Variants in SEMA3E observed in about 807,000 individuals in gnomAD.
SEMA3E encodes semaphorin-3E.
A neutral mutation model predicts 93.6 loss-of-function variants in SEMA3E; 49 were observed. That is an observed-to-expected ratio of 0.52 (90% CI 0.42 to 0.66). The LOEUF (loss-of-function observed/expected upper bound fraction) is 0.66, where lower values mean the gene tolerates loss of function less well. Among genes scored for constraint, SEMA3E ranks in the 30% least tolerant of loss-of-function variants. The probability of loss-of-function intolerance (pLI) is 0.00; values close to 1 mark genes in which losing one functional copy is unlikely to be tolerated. For synonymous variants in SEMA3E, 363 were observed against 330.7 expected (o/e 1.10, Z -1.06); for missense variants, 906 against 964.8 (o/e 0.94, Z 0.81).
At chr7:83,393,946 T>C (rs1788067657) in intron 13 of SEMA3E, among the ~76,000 whole-genome samples, 1 of 152,168 alleles carries the variant, frequency 6.6e-6, no homozygotes, top group Non-Finnish European at 1.5e-5. Flanking sequence ...TCTTCCTTTC[T>C]ATAGAGATAG....
At chr7:83,498,672 T>C (rs940656715) in intron 1 of SEMA3E, among the ~76,000 whole-genome samples, 5 of 151,888 alleles carry the variant, frequency 3.3e-5, no homozygotes, top group Admixed American at 1.3e-4. Flanking sequence ...AGAGACGGGG[T>C]CTCACCATGT....
At chr7:83,621,654 G>A (rs186675779) in intron 1 of SEMA3E, among the ~76,000 whole-genome samples, 3 of 152,010 alleles carry the variant, frequency 2.0e-5, no homozygotes, top group East Asian at 1.9e-4. Flanking sequence ...CACATTGACC[G>A]ATGGAACAGA....
intron 4 of SEMA3E, among the ~76,000 whole-genome samples, chr7:83,454,272 A>AATATATATATATATATATATAT (rs71534491): frequency 9.1e-6 from 1 of 110,134 alleles, no homozygotes; most frequent in African/African-American, 4.3e-5. Flanking sequence ...AAAAAAAAAA[A>AATATATATATATATATATATAT]ATATATATAT....
At chr7:83,506,907 C>T (rs116255201) in intron 1 of SEMA3E, among the ~76,000 whole-genome samples, 14 of 152,188 alleles carry the variant, frequency 9.2e-5, no homozygotes, top group East Asian at 3.9e-4. Flanking sequence ...TAGTTCTAGA[C>T]GAGCAATTTA....
chr7:83,463,550 C>T (rs532361830), intron 4 of SEMA3E, among the ~76,000 whole-genome samples: 54 of 152,138 alleles, frequency 3.5e-4, no homozygotes, highest in Non-Finnish European at 6.3e-4. Context: ...CCACACCTGA[C>T]CCCCATGACT....
intron 1 of SEMA3E, among the ~76,000 whole-genome samples, chr7:83,611,800 A>G (rs376471443): frequency 3.3e-5 from 5 of 152,214 alleles, no homozygotes; most frequent in African/African-American, 9.6e-5. Flanking sequence ...CATAAAATCT[A>G]TCATCTGCCA....
chr7:83,535,966 T>C (rs1173959093), intron 1 of SEMA3E, among the ~76,000 whole-genome samples: 1 of 152,178 alleles, frequency 6.6e-6, no homozygotes, highest in Non-Finnish European at 1.5e-5. Flanking sequence ...AGGATCTCGT[T>C]AATCAAACTT....
At chr7:83,563,933 AATTTTATATGAAAAC>A (rs1792087452) in intron 1 of SEMA3E, among the ~76,000 whole-genome samples, 1 of 152,180 alleles carries the variant, frequency 6.6e-6, no homozygotes, top group Admixed American at 6.5e-5. Flanking sequence ...ATCAATTTTA[AATTTTATATGAAAAC>A]ATTTCAACTA....
chr7:83,448,977 A>G (rs1025255528), intron 4 of SEMA3E, among the ~76,000 whole-genome samples: 1 of 152,202 alleles, frequency 6.6e-6, no homozygotes, highest in Non-Finnish European at 1.5e-5. Flanking sequence ...GTTAATAAAA[A>G]TAGCTACCTT....
intron 9 of SEMA3E, among the ~76,000 whole-genome samples, chr7:83,404,688 C>A (rs76942650): frequency 0.013 from 1,985 of 152,038 alleles, 47 homozygotes; most frequent in African/African-American, 0.045. Flanking sequence ...ATAGATTATA[C>A]ATCTTAAACT....
chr7:83,431,714 C>A (rs1788887484), intron 4 of SEMA3E, among the ~76,000 whole-genome samples: 1 of 152,076 alleles, frequency 6.6e-6, no homozygotes, highest in African/African-American at 2.4e-5. Flanking sequence ...CCAGCCCAAG[C>A]AAGTGGTATT....
chr7:83,396,768 G>A (rs775053328), intron 11 of SEMA3E, 39 bp from the exon 12 acceptor site: 2 of 1,405,704 alleles, frequency 1.4e-6, no homozygotes, highest in Non-Finnish European at 2.0e-6. Flanking sequence ...TAGAATCTAT[G>A]TCACAGTACG....
At chr7:83,398,258 C>A (rs1414809846) in intron 11 of SEMA3E, among the ~76,000 whole-genome samples, 1 of 152,098 alleles carries the variant, frequency 6.6e-6, no homozygotes, top group Non-Finnish European at 1.5e-5. Flanking sequence ...TAAAAACATT[C>A]TTGGACTGTT....
rs532660086 is a variant in SEMA3E, at chr7:83,572,095, T to C, written c.115+76333A>G. On this transcript the variant is annotated intron_variant, in intron 1 of 16. Coordinates refer to ENST00000643230, the MANE Select transcript of SEMA3E (RefSeq NM_012431.3). ...GAGACAACATAAGTAAATGGAAAAA[T>C]ATTCTATGTTCATAGATAGGAAGAA... 6.6e-5 allele frequency among the ~76,000 whole-genome samples: 10 copies of C among 152,228 alleles called. No individual in the cohort carries two copies. In the South Asian group the frequency reaches 2.1e-3, roughly 32 times the overall value.
chr7:83,501,094 C>A (rs1013608847), intron 1 of SEMA3E, among the ~76,000 whole-genome samples: 8 of 152,072 alleles, frequency 5.3e-5, no homozygotes, highest in African/African-American at 1.9e-4. Flanking sequence ...TAATAAGATA[C>A]TATTATTTTA....
At chr7:83,640,401 G>A (rs909971492) in intron 1 of SEMA3E, among the ~76,000 whole-genome samples, 24 of 152,106 alleles carry the variant, frequency 1.6e-4, no homozygotes, top group African/African-American at 5.8e-4. Context: ...TACTTGGCTG[G>A]CAGGCTCTGC....
intron 2 of SEMA3E, among the ~76,000 whole-genome samples, chr7:83,474,462 T>C (rs146009233): frequency 7.9e-5 from 12 of 152,362 alleles, no homozygotes; most frequent in African/African-American, 2.6e-4. Context: ...TCTTTAATTT[T>C]CATAGTGCAA....
At chr7:83,538,459 G>C (rs62477038) in intron 1 of SEMA3E, among the ~76,000 whole-genome samples, 2 of 152,028 alleles carry the variant, frequency 1.3e-5, no homozygotes, top group Non-Finnish European at 2.9e-5. Flanking sequence ...CTTTTCATGT[G>C]CTTACTGACC....
At chr7:83,439,347 C>G (rs1036924003) in intron 4 of SEMA3E, among the ~76,000 whole-genome samples, 3 of 152,104 alleles carry the variant, frequency 2.0e-5, no homozygotes, top group Non-Finnish European at 2.9e-5. Flanking sequence ...CTCTAACAGC[C>G]GATTTGTTAT....
Sources: gnomAD v4.1 joint callset for allele counts (sites outside exome capture counted in the v4.1 genomes callset) on GRCh38, gnomAD v4.1.1 for gene constraint, MANE v1.5 for transcripts, NCBI Gene and HGNC (gene_info 2026-07-23, HGNC 2026-07-21) for gene names.